NTRK1: variants seen among roughly 807,000 people sequenced by gnomAD.
NTRK1 encodes high affinity nerve growth factor receptor.
A neutral mutation model predicts 86.8 loss-of-function variants in NTRK1; 62 were observed. That is an observed-to-expected ratio of 0.71 (90% CI 0.58 to 0.88). The LOEUF (loss-of-function observed/expected upper bound fraction) is 0.88, where lower values mean the gene tolerates loss of function less well. NTRK1 is among the 40% of genes least tolerant of loss of function. The probability of loss-of-function intolerance (pLI) is 0.00; values close to 1 mark genes in which losing one functional copy is unlikely to be tolerated. For missense variants in NTRK1, 967 were observed against 1,078.4 expected (o/e 0.90, Z 1.45); for synonymous variants, 469 against 456.6 (o/e 1.03, Z -0.35).
intron 2 of NTRK1, chr1:156,849,439 C>G (rs1248852308): frequency 3.7e-6 from 6 of 1,611,452 alleles, no homozygotes; most frequent in Non-Finnish European, 5.1e-6. Context: ...TCTGGTTGTC[C>G]AGCACGTAGA....
At chr1:156,845,546 A>AGACCCC in intron 2 of NTRK1, 1 of 392,140 alleles carries the variant, frequency 2.6e-6, no homozygotes, top group Non-Finnish European at 3.7e-6. Context: ...CACAAACCCC[A>AGACCCC]CCCCTCCCGC....
upstream of NTRK1, chr1:156,858,422 C>T: frequency 2.5e-6 from 2 of 790,028 alleles, no homozygotes; most frequent in East Asian, 2.5e-5. Context: ...CTAACCCCAA[C>T]CCCCATGTTC....
In NTRK1 at chr1:156,854,505, C is replaced by G. The variant is rs552047748; in HGVS notation, c.51-9849C>G. ...CAGGGTCTCTACCAGATGAGCCACA[C>G]AGGCAAAAATGAACTCCTGATCCTC... On this transcript the variant is annotated intron_variant, in intron 2 of 16. Transcript: ENST00000392302. The surrounding 1 kb of genome is among the most constrained non-coding windows in gnomAD (Gnocchi z 4.2). Among the ~76,000 whole-genome samples, 12 of 152,236 alleles carry G rather than the reference C, an allele frequency of 7.9e-5. No individual in the cohort carries two copies. The highest frequency in any genetic ancestry group is 2.9e-4 in the African/African-American group (12 of 41,552).
At chr1:156,864,683 G>C (rs150614664) in intron 2 of NTRK1, 45 bp from the exon 3 acceptor site, 2 of 1,604,426 alleles carry the variant, frequency 1.2e-6, no homozygotes, top group Non-Finnish European at 1.7e-6. Flanking sequence ...CAGGGGCCCA[G>C]AGTAGCTGAG....
In NTRK1 at chr1:156,879,029, C is replaced by T. The variant is rs148518240; in HGVS notation, c.1806-93C>T. On this transcript the variant is annotated intron_variant, in intron 14 of 16. Transcript: ENST00000524377. ...TCCACTTCCAGGTCCCCAGTCTCCT[C>T]TCCCATCACACGCGGCTGCTGGGGA... is the stretch of plus-strand genomic sequence containing the variant. 5,424 of 1,465,440 alleles carry T rather than the reference C, an allele frequency of 3.7e-3. 8 individuals are homozygous for T. Among genetic ancestry groups the T allele is most frequent in the Non-Finnish European group, 4.6e-3 (4,905 of 1,065,800 alleles). 90.8% of individuals were successfully genotyped at this position (1,465,440 alleles called of 1,614,324 possible). A position where few individuals can be genotyped will look rare whatever the true frequency, so the allele number is the denominator to read the frequency against.
At chr1:156,831,971 A>T (rs1558078126) in intron 1 of NTRK1, among the ~76,000 whole-genome samples, 1 of 152,188 alleles carries the variant, frequency 6.6e-6, no homozygotes, top group Non-Finnish European at 1.5e-5. Flanking sequence ...ATGTCCCAGC[A>T]TCATCCCTGA....
chr1:156,876,259 G>T (rs1345602575), intron 13 of NTRK1, 49 bp downstream of exon 13: 12 of 1,612,740 alleles, frequency 7.4e-6, no homozygotes, highest in Non-Finnish European at 1.0e-5. Flanking sequence ...CCACCCCCAG[G>T]AGCTCCATCA....
intron 2 of NTRK1, chr1:156,845,751 G>A (rs1190097120): frequency 6.2e-7 from 1 of 1,613,640 alleles, no homozygotes; most frequent in East Asian, 2.2e-5. Flanking sequence ...CTCCATCTCG[G>A]CCTCAGGATC....
intron 2 of NTRK1, chr1:156,849,504 A>C: frequency 3.7e-5 from 9 of 243,700 alleles, no homozygotes; most frequent in Middle Eastern, 7.8e-4. Flanking sequence ...AGGTGGGGGC[A>C]GGGGGTGGGA....
Position 156,845,266 on chromosome 1 carries a change from C to T in NTRK1, c.50+3073C>T, listed in dbSNP as rs752246872. ...AGCTGTTGCCCCCCAGCCGGAGGGG[C>T]CCAGCTGCCCGGCGGTGCCGCCCTG... On this transcript the variant is annotated intron_variant, in intron 2 of 16. Coordinates refer to the NTRK1 transcript ENST00000392302. The T allele has an allele frequency of 3.7e-6, 6 of 1,611,948 alleles. No individual in the cohort carries two copies. In the African/African-American group the frequency reaches 5.3e-5, roughly 14 times the overall value.
At chr1:156,864,865 C>A (rs2102886464) in intron 3 of NTRK1, 66 bp downstream of exon 3, 1 of 1,483,556 alleles carries the variant, frequency 6.7e-7, no homozygotes, top group South Asian at 1.2e-5. Context: ...TGCTAATGGG[C>A]TTGGCTGTCC....
At chr1:156,832,862 T>A (rs1654499711) in intron 1 of NTRK1, among the ~76,000 whole-genome samples, 1 of 152,256 alleles carries the variant, frequency 6.6e-6, no homozygotes, top group Non-Finnish European at 1.5e-5. Flanking sequence ...ATTGTTTGTC[T>A]ACATGTCTTC....
At chr1:156,856,101 G>C (rs932092869), upstream of NTRK1, among the ~76,000 whole-genome samples, 1 of 151,940 alleles carries the variant, frequency 6.6e-6, no homozygotes, top group African/African-American at 2.4e-5. Context: ...CAGCTATCAT[G>C]CGTGGCCATA....
At position 156,881,707 on chromosome 1, in the gene NTRK1, T is replaced by G. The variant is rs1306307556; in HGVS notation, c.*65T>G. 6.8e-7 allele frequency: 1 copy of G among 1,469,454 alleles called. No individual in the cohort carries two copies. The allele number at this position is 1,469,454 out of a possible 1,614,324, so 91.0% of individuals were successfully genotyped here. A position where few individuals can be genotyped will look rare whatever the true frequency, so the allele number is the denominator to read the frequency against. On this transcript the variant is annotated 3_prime_UTR_variant, in exon 17 of 17. Transcript: ENST00000524377. ...TGGGGCCTGCCCTCAGCATCCCCCA[T>G]AGCTCCCAGCAGCCCCAGGGTGATC...
chr1:156,829,746 G>T (rs917139235), intron 1 of NTRK1, among the ~76,000 whole-genome samples: 5 of 152,144 alleles, frequency 3.3e-5, no homozygotes, highest in Non-Finnish European at 5.9e-5. Context: ...CCGCCTCCTG[G>T]GTTCTAAGGG....
intron 1 of NTRK1, among the ~76,000 whole-genome samples, chr1:156,824,410 A>G (rs927122213): frequency 5.6e-4 from 85 of 152,344 alleles, no homozygotes; most frequent in African/African-American, 1.9e-3. Context: ...TGTGGATTGA[A>G]GAAGCAGTAA....
chr1:156,842,901 C>G, intron 2 of NTRK1: 1 of 903,720 alleles, frequency 1.1e-6, no homozygotes, highest in Non-Finnish European at 1.7e-6. Context: ...TGGTCCCAAT[C>G]TTGACCTTAA....
At position 156,874,615 on chromosome 1, in the gene NTRK1, A is replaced by G. The variant is rs2102910209; in HGVS notation, c.1240A>G (p.Thr414Ala). The G allele has an allele frequency of 6.2e-7, 1 of 1,613,918 alleles. No individual in the cohort carries two copies. ...AGACCCGGTGGAGAAGAAGGACGAA[A>G]CACCTTTTGGGGTGAGATAGGAAGT... ...SGDPVEKKDE[T>A]PFGVSVAVGL... The change falls in exon 10 of 17, where the codon ACA becomes GCA. Residue 414 changes from threonine to alanine, a missense_variant. This residue lies in a region of NTRK1 where 637 missense variants were observed against 776.5 expected (regional missense o/e 0.82). Coordinates refer to ENST00000524377, the MANE Select transcript of NTRK1 (RefSeq NM_002529.4).
chr1:156,875,016 G>A lies in NTRK1; in HGVS notation c.1354+8G>A, dbSNP rs763576316. On this transcript the variant is annotated splice_region_variant and intron_variant, in intron 11 of 16. Coordinates refer to ENST00000524377, the MANE Select transcript of NTRK1 (RefSeq NM_002529.4). ...ACAAGTTTGGGATCAACCGTGAGTC[G>A]GGGCTGCAGAGGGCTGTCTGTCTGT... 16 of 1,595,206 alleles carry A rather than the reference G, an allele frequency of 1.0e-5. No homozygotes were observed. The highest frequency in any genetic ancestry group is 2.7e-5 in the African/African-American group (2 of 74,482).
Sources: gnomAD v4.1 joint callset for allele counts (sites outside exome capture counted in the v4.1 genomes callset) on GRCh38, gnomAD v4.1.1 for gene constraint, gnomAD v4.1.1 regional missense constraint, Gnocchi (gnomAD v3.1) non-coding constraint, MANE v1.5 for transcripts, NCBI Gene and HGNC (gene_info 2026-07-23, HGNC 2026-07-21) for gene names.